The following NCAM2 variants were observed in gnomAD, a reference collection of about 807,000 sequenced individuals.
NCAM2 encodes the protein neural cell adhesion molecule 2.
NCAM2 carries 30 observed loss-of-function variants against 98.1 expected under a neutral mutation model. The ratio of observed to expected loss-of-function variants is 0.31; its 90% CI spans 0.23 to 0.41. NCAM2 has a LOEUF of 0.41. Ranked by LOEUF, NCAM2 falls within the 10% of genes least tolerant of loss-of-function variation. The pLI is 1.00. For synonymous variants in NCAM2, 368 were observed against 342.4 expected (o/e 1.07, Z -0.83); for missense variants, 867 against 1,005.8 (o/e 0.86, Z 1.87).
chr21:21,207,807 A>G (rs2069501381), intron 1 of NCAM2, among the ~76,000 whole-genome samples: 1 of 152,196 alleles, frequency 6.6e-6, no homozygotes, highest in South Asian at 2.1e-4. Flanking sequence ...ATTATAACTC[A>G]TATGCATAAA....
At chr21:21,442,430 A>T (rs1269772279) in intron 12 of NCAM2, among the ~76,000 whole-genome samples, 9 of 152,162 alleles carry the variant, frequency 5.9e-5, no homozygotes, top group Non-Finnish European at 1.3e-4. Context: ...TTAGACCTAA[A>T]ATCTCAACTA....
chr21:21,292,275 A>G, intron 5 of NCAM2, 34 bp downstream of exon 5: 1 of 1,582,816 alleles, frequency 6.3e-7, no homozygotes, highest in Non-Finnish European at 8.6e-7. Context: ...TGTTTTATGG[A>G]TTCATTTTAG....
intron 9 of NCAM2, among the ~76,000 whole-genome samples, chr21:21,388,924 T>TA (rs2076325299): frequency 6.6e-6 from 1 of 152,222 alleles, no homozygotes; most frequent in Admixed American, 6.5e-5. Flanking sequence ...TTTTGTTACT[T>TA]ATTTTTAATT....
intron 12 of NCAM2, among the ~76,000 whole-genome samples, chr21:21,451,469 TA>T (rs1981062865): frequency 6.6e-6 from 1 of 152,168 alleles, no homozygotes; most frequent in Admixed American, 6.6e-5. Flanking sequence ...CCAAGATTTT[TA>T]AAAAATTCCA....
chr21:21,042,310 G>T (rs6417715), intron 1 of NCAM2, among the ~76,000 whole-genome samples: 3 of 151,986 alleles, frequency 2.0e-5, no homozygotes, highest in Non-Finnish European at 4.4e-5. Flanking sequence ...TCAGCCTCCC[G>T]AGTAGCTGGT....
At chr21:21,411,553 T>G (rs1476834302) in intron 10 of NCAM2, among the ~76,000 whole-genome samples, 1 of 152,080 alleles carries the variant, frequency 6.6e-6, no homozygotes, top group Non-Finnish European at 1.5e-5. Context: ...AGTGTATGTG[T>G]GTATCAATTT....
chr21:21,239,093 C>T (rs2070961526), intron 1 of NCAM2, among the ~76,000 whole-genome samples: 1 of 152,130 alleles, frequency 6.6e-6, no homozygotes, highest in African/African-American at 2.4e-5. Flanking sequence ...CACAGAGCTC[C>T]CTCATCTCCT....
rs373867930 is a variant in NCAM2, at chr21:21,327,357, A to G, written c.737+2857A>G. On this transcript the variant is annotated intron_variant, in intron 6 of 17. Transcript: ENST00000400546. ...TTCTTTTCCCATATTTCTGGACACT[A>G]GATGTTTAAGATCAAGATACCAGCA... Among the ~76,000 whole-genome samples the G allele has an allele frequency of 4.6e-4, 69 of 150,652 alleles. 2 individuals carry two copies. The South Asian group carries it at 0.011, about 25-fold the overall frequency.
At position 21,158,049 on chromosome 21, in the gene NCAM2, A is replaced by G. The variant is rs966272022; in HGVS notation, c.56-122529A>G. ...AGCCGTGTAATCTTCGGAAATTTAA[A>G]TGTTTCTCCCTATGTTTGCTTATTC... is the stretch of plus-strand genomic sequence containing the variant. On this transcript the variant is annotated intron_variant, in intron 1 of 17. Transcript: ENST00000400546. Among the ~76,000 whole-genome samples, 20 of 152,228 alleles carry G rather than the reference A, an allele frequency of 1.3e-4. No homozygotes were observed. The East Asian group carries it at 3.7e-3, about 28-fold the overall frequency.
At chr21:21,294,770 A>G (rs2073415612) in intron 5 of NCAM2, among the ~76,000 whole-genome samples, 1 of 151,160 alleles carries the variant, frequency 6.6e-6, no homozygotes, top group South Asian at 2.1e-4. Context: ...CTCCAGTCTT[A>G]TTGACTTTCA....
intron 1 of NCAM2, among the ~76,000 whole-genome samples, chr21:21,248,229 A>G (rs996553134): frequency 6.6e-6 from 1 of 152,144 alleles, no homozygotes; most frequent in Non-Finnish European, 1.5e-5. Flanking sequence ...AATTCTTCTC[A>G]GAGCTTATTT....
intron 1 of NCAM2, among the ~76,000 whole-genome samples, chr21:21,209,638 G>C (rs1317825963): frequency 6.6e-6 from 1 of 152,152 alleles, no homozygotes; most frequent in Non-Finnish European, 1.5e-5. Context: ...GGTTATTGCA[G>C]AGGTTGTCTG....
intron 8 of NCAM2, among the ~76,000 whole-genome samples, chr21:21,368,384 C>T (rs2075836628): frequency 6.6e-6 from 1 of 151,882 alleles, no homozygotes; most frequent in Non-Finnish European, 1.5e-5. Flanking sequence ...ATTTTCACTA[C>T]CATTACCTTT....
chr21:21,158,589 G>A lies in NCAM2; in HGVS notation c.56-121989G>A, dbSNP rs140807147. ...CACTGCTTTCCAGCCTGGCGACAGA[G>A]TGAGACACCGTCCCCGCCCCCGCAA... On this transcript the variant is annotated intron_variant, in intron 1 of 17. Transcript: ENST00000400546. Among the ~76,000 whole-genome samples the A allele has an allele frequency of 4.4e-3, 627 of 142,150 alleles. 8 individuals carry two copies. Among genetic ancestry groups the A allele is most frequent in the African/African-American group, 0.016 (601 of 37,894 alleles). The allele number at this position is 142,150 out of a possible 152,430, so 93.3% of individuals were successfully genotyped here. A position where few individuals can be genotyped will look rare whatever the true frequency, so the allele number is the denominator to read the frequency against.
Position 21,462,884 on chromosome 21 carries a change from A to G in NCAM2, c.1655-3722A>G, listed in dbSNP as rs1472873388. 3.9e-5 allele frequency among the ~76,000 whole-genome samples: 6 copies of G among 152,234 alleles called. No individual in the cohort carries two copies. In the East Asian group the frequency reaches 1.2e-3, roughly 29 times the overall value. ...AATCGTGCTGACTAAATATAGCTCT[A>G]AAATACCTTAATTTATACTTTGTCC... On this transcript the variant is annotated intron_variant, in intron 12 of 17. Coordinates refer to ENST00000400546, the MANE Select transcript of NCAM2 (RefSeq NM_004540.5).
chr21:21,317,269 A>C (rs2826790), intron 5 of NCAM2, among the ~76,000 whole-genome samples: 48,290 of 151,998 alleles, frequency 0.32, 8,442 homozygotes, highest in African/African-American at 0.46. Context: ...AGGAACTTCC[A>C]ATGTCAAGCA....
intron 1 of NCAM2, among the ~76,000 whole-genome samples, chr21:21,244,451 G>A (rs570159114): frequency 1.5e-4 from 23 of 152,104 alleles, no homozygotes; most frequent in African/African-American, 5.3e-4. Context: ...TTTTGTTATC[G>A]ATAATACGAA....
chr21:21,275,094 T>C (rs1263807360), intron 1 of NCAM2, among the ~76,000 whole-genome samples: 1 of 152,152 alleles, frequency 6.6e-6, no homozygotes, highest in Non-Finnish European at 1.5e-5. Context: ...ATAATGATTA[T>C]CTTCGATATA....
At chr21:21,414,101 T>G (rs2076939288) in intron 10 of NCAM2, among the ~76,000 whole-genome samples, 1 of 152,204 alleles carries the variant, frequency 6.6e-6, no homozygotes, top group Non-Finnish European at 1.5e-5. Context: ...AGAAACCACT[T>G]TATTTGCTCC....
Sources: allele counts gnomAD v4.1 joint callset (sites outside exome capture counted in the v4.1 genomes callset), GRCh38; gene constraint gnomAD v4.1.1; transcripts MANE v1.5; gene names NCBI Gene and HGNC (gene_info 2026-07-23, HGNC 2026-07-21).